Variants in TTC29 observed in about 807,000 individuals in gnomAD.
The protein encoded by TTC29 is tetratricopeptide repeat domain 29.
TTC29 carries 49 observed loss-of-function variants against 58.1 expected under a neutral mutation model. That is an observed-to-expected ratio of 0.84 (90% CI 0.67 to 1.07). The LOEUF (loss-of-function observed/expected upper bound fraction) is 1.07. TTC29 is among the 50% of genes least tolerant of loss of function. TTC29 has a pLI of 0.00. For synonymous variants in TTC29, 209 were observed against 196.8 expected (o/e 1.06, Z -0.52); for missense variants, 582 against 555.6 (o/e 1.05, Z -0.48).
chr4:146,811,561 C>T (rs1751026128), intron 10 of TTC29, among the ~76,000 whole-genome samples: 1 of 152,182 alleles, frequency 6.6e-6, no homozygotes, highest in Admixed American at 6.6e-5. Flanking sequence ...CATGCATGTG[C>T]ACTCTTTTGA....
At chr4:146,781,463 CA>C (rs1043802537) in intron 11 of TTC29, among the ~76,000 whole-genome samples, 2 of 151,836 alleles carry the variant, frequency 1.3e-5, no homozygotes, top group African/African-American at 4.8e-5. Flanking sequence ...CCAATATCTC[CA>C]AACAAATAAT....
At chr4:146,738,689 T>C (rs1161387567) in intron 11 of TTC29, among the ~76,000 whole-genome samples, 1 of 152,184 alleles carries the variant, frequency 6.6e-6, no homozygotes, top group Non-Finnish European at 1.5e-5. Flanking sequence ...ATCTCTCTTC[T>C]GCCCTCCTTT....
chr4:146,906,320 A>C (rs1252171878), intron 5 of TTC29, among the ~76,000 whole-genome samples: 2 of 152,190 alleles, frequency 1.3e-5, no homozygotes, highest in Non-Finnish European at 2.9e-5. Flanking sequence ...TGTAAGTCTC[A>C]AGAGATAGAA....
intron 10 of TTC29, among the ~76,000 whole-genome samples, chr4:146,805,975 A>G (rs1750585860): frequency 6.6e-6 from 1 of 152,206 alleles, no homozygotes; most frequent in African/African-American, 2.4e-5. Flanking sequence ...TGTTAAGGGC[A>G]GCCAGAGAGA....
At chr4:146,793,693 G>A (rs1054948827) in intron 11 of TTC29, among the ~76,000 whole-genome samples, 2 of 151,966 alleles carry the variant, frequency 1.3e-5, no homozygotes, top group Admixed American at 6.6e-5. Flanking sequence ...GTCTAGGAGA[G>A]GCCCTGAAGA....
chr4:146,851,486 A>G (rs1393973425), intron 8 of TTC29, among the ~76,000 whole-genome samples: 2 of 152,148 alleles, frequency 1.3e-5, no homozygotes, highest in Non-Finnish European at 2.9e-5. Context: ...CTTTCATTTT[A>G]TCCAAAATTA....
chr4:146,869,113 A>ACC (rs1187073245), intron 7 of TTC29, among the ~76,000 whole-genome samples: 1 of 151,590 alleles, frequency 6.6e-6, no homozygotes, highest in African/African-American at 2.4e-5. Flanking sequence ...AAAAAAAAAA[A>ACC]AAAAAACCTC....
intron 8 of TTC29, among the ~76,000 whole-genome samples, chr4:146,835,451 T>C (rs1291691762): frequency 6.6e-6 from 1 of 152,206 alleles, no homozygotes; most frequent in Non-Finnish European, 1.5e-5. Context: ...GGTGTCTTTT[T>C]AAGGTCCATA....
At chr4:146,863,071 G>A (rs1269450438) in intron 8 of TTC29, among the ~76,000 whole-genome samples, 1 of 149,830 alleles carries the variant, frequency 6.7e-6, no homozygotes, top group Non-Finnish European at 1.5e-5. Context: ...GCAGGGAACC[G>A]AGATCGTGCC....
intron 11 of TTC29, among the ~76,000 whole-genome samples, chr4:146,787,421 T>C (rs924589792): frequency 2.6e-5 from 4 of 152,198 alleles, no homozygotes; most frequent in South Asian, 4.1e-4. Context: ...TGTGTGGAAA[T>C]GGTAGTAGTT....
chr4:146,899,701 A>G (rs1018144998), intron 6 of TTC29, among the ~76,000 whole-genome samples: 3 of 152,128 alleles, frequency 2.0e-5, no homozygotes, highest in Non-Finnish European at 4.4e-5. Flanking sequence ...TGGGATGAAC[A>G]TGACCCTTGA....
At chr4:146,857,722 A>G (rs1377653366) in intron 8 of TTC29, among the ~76,000 whole-genome samples, 2 of 152,166 alleles carry the variant, frequency 1.3e-5, no homozygotes, top group Non-Finnish European at 2.9e-5. Context: ...ATTTTAGGTA[A>G]GGATTTCTAA....
At chr4:146,728,860 C>CATATATATGTATATATATATGT (rs1554006144) in intron 11 of TTC29, among the ~76,000 whole-genome samples, 4 of 62,026 alleles carry the variant, frequency 6.4e-5, no homozygotes, top group South Asian at 1.4e-3. Context: ...TATATATACA[C>CATATATATGTATATATATATGT]ATATATATGT....
chr4:146,890,645 A>T (rs1466059775), intron 6 of TTC29, among the ~76,000 whole-genome samples: 1 of 152,200 alleles, frequency 6.6e-6, no homozygotes, highest in African/African-American at 2.4e-5. Flanking sequence ...CTTCATTTGA[A>T]AAAATGAAAT....
intron 10 of TTC29, among the ~76,000 whole-genome samples, chr4:146,817,368 C>T (rs1407603618): frequency 6.6e-6 from 1 of 152,190 alleles, no homozygotes; most frequent in Admixed American, 6.5e-5. Context: ...AGAAATCCAA[C>T]TTACAAGGGA....
chr4:146,844,192 A>G (rs759646578), intron 8 of TTC29, among the ~76,000 whole-genome samples: 1 of 152,202 alleles, frequency 6.6e-6, no homozygotes, highest in Non-Finnish European at 1.5e-5. Flanking sequence ...AAAATTTCCA[A>G]GAATCTTTTT....
chr4:146,720,384 G>T (rs1195224443), intron 11 of TTC29, among the ~76,000 whole-genome samples: 2 of 152,046 alleles, frequency 1.3e-5, no homozygotes, highest in African/African-American at 4.8e-5. Context: ...CCTATCCAAG[G>T]TATTTAATGT....
intron 6 of TTC29, among the ~76,000 whole-genome samples, chr4:146,880,553 T>C (rs1426910394): frequency 1.3e-5 from 2 of 152,152 alleles, no homozygotes; most frequent in African/African-American, 4.8e-5. Context: ...AAATTGTTGC[T>C]TACCCTCTTC....
intron 11 of TTC29, among the ~76,000 whole-genome samples, chr4:146,800,546 A>AT (rs1355884343): frequency 6.6e-6 from 1 of 152,026 alleles, no homozygotes; most frequent in Non-Finnish European, 1.5e-5. Flanking sequence ...ATATTTTTGT[A>AT]TTTTTTCATT....
Sources: gnomAD v4.1 joint callset for allele counts (sites outside exome capture counted in the v4.1 genomes callset) on GRCh38, gnomAD v4.1.1 for gene constraint, MANE v1.5 for transcripts, NCBI Gene and HGNC (gene_info 2026-07-23, HGNC 2026-07-21) for gene names.